GAP43: variants seen among roughly 807,000 people sequenced by gnomAD.
GAP43 encodes the protein neuromodulin.
GAP43 carries 6 observed loss-of-function variants against 18.6 expected under a neutral mutation model. That is an observed-to-expected ratio of 0.32 (90% confidence interval 0.18 to 0.64). The LOEUF (loss-of-function observed/expected upper bound fraction) is 0.64, where lower values mean the gene tolerates loss of function less well. GAP43 is among the 30% of genes least tolerant of loss of function. The pLI is 0.78. For missense variants in GAP43, 292 were observed against 295.5 expected, an observed-to-expected ratio of 0.99 and a Z score of 0.09; for synonymous variants, 115 against 111.4, an observed-to-expected ratio of 1.03 and a Z score of -0.20.
intron 1 of GAP43, chr3:115,663,449 G>C (rs9835043): frequency 1.1e-6 from 1 of 910,826 alleles, no homozygotes; most frequent in African/African-American, 1.8e-5. Flanking sequence ...TTCCTGACCT[G>C]ATGCCCTCTC....
intron 2 of GAP43, among the ~76,000 whole-genome samples, chr3:115,677,878 A>G (rs1159036808): frequency 6.6e-6 from 1 of 152,206 alleles, no homozygotes; most frequent in Non-Finnish European, 1.5e-5. Flanking sequence ...CAGATACTAC[A>G]ATATGGTAGG....
chr3:115,657,826 G>A (rs1708602839), intron 1 of GAP43, among the ~76,000 whole-genome samples: 4 of 152,038 alleles, frequency 2.6e-5, no homozygotes, highest in Admixed American at 2.6e-4. Context: ...CCAAAGTTCT[G>A]GGATTACAGA....
chr3:115,663,384 A>G (rs937199593), intron 1 of GAP43: 5 of 269,226 alleles, frequency 1.9e-5, no homozygotes, highest in Non-Finnish European at 2.3e-5. Context: ...ATAAGAATGC[A>G]TAAGGTTGAC....
intron 2 of GAP43, among the ~76,000 whole-genome samples, chr3:115,711,506 C>T (rs977381688): frequency 1.8e-4 from 27 of 151,110 alleles, no homozygotes; most frequent in Non-Finnish European, 3.9e-4. Flanking sequence ...CACACACACA[C>T]ACACACCCCC....
intron 1 of GAP43, among the ~76,000 whole-genome samples, chr3:115,631,099 T>A (rs1708255943): frequency 6.6e-6 from 1 of 152,194 alleles, no homozygotes. Flanking sequence ...TTCCCTCTCC[T>A]GTCTGCTTAG....
intron 1 of GAP43, among the ~76,000 whole-genome samples, chr3:115,655,816 G>A (rs1455562407): frequency 6.6e-6 from 1 of 152,158 alleles, no homozygotes; most frequent in Non-Finnish European, 1.5e-5. Context: ...TTTCTTTTAA[G>A]CTATGCTTCT....
Position 115,623,636 on chromosome 3 carries a change from AAG to A in GAP43, c.-46_-45del, listed in dbSNP as rs1708142590. ...AGAGGTGGAGAGGGGGGGAATAAGA[AAG>A]AGAGAGAAGGAAAGGAGAGAAGGCA... On this transcript the variant is annotated 5_prime_UTR_variant, in exon 1 of 3. Coordinates refer to ENST00000305124, the MANE Select transcript of GAP43 (RefSeq NM_002045.4). 1 of 1,609,184 alleles carries A rather than the reference AAG, an allele frequency of 6.2e-7. No individual in the cohort carries two copies. Among genetic ancestry groups the A allele is most frequent in the East Asian group, 2.2e-5 (1 of 44,768 alleles).
At chr3:115,690,081 T>C (rs1709088303) in intron 2 of GAP43, among the ~76,000 whole-genome samples, 1 of 152,252 alleles carries the variant, frequency 6.6e-6, no homozygotes, top group African/African-American at 2.4e-5. Context: ...AAGATGGTTT[T>C]ATGGGATCTT....
At chr3:115,705,538 G>A (rs999482713) in intron 2 of GAP43, among the ~76,000 whole-genome samples, 2 of 152,110 alleles carry the variant, frequency 1.3e-5, no homozygotes, top group South Asian at 4.1e-4. Context: ...TGGCAGGCAG[G>A]AATTACTACA....
intron 1 of GAP43, among the ~76,000 whole-genome samples, chr3:115,643,201 T>G (rs952162682): frequency 6.6e-6 from 1 of 152,106 alleles, no homozygotes; most frequent in Non-Finnish European, 1.5e-5. Flanking sequence ...ACTCAGTCAC[T>G]TTTTATCTTC....
At chr3:115,664,953 T>C (rs1182434199) in intron 1 of GAP43, among the ~76,000 whole-genome samples, 3 of 152,214 alleles carry the variant, frequency 2.0e-5, no homozygotes, top group African/African-American at 4.8e-5. Context: ...ACATACCTTC[T>C]AGAATCAGGG....
chr3:115,662,103 G>A (rs1000076106), intron 1 of GAP43, among the ~76,000 whole-genome samples: 1 of 152,056 alleles, frequency 6.6e-6, no homozygotes, highest in Admixed American at 6.5e-5. Context: ...AAGGAAGAGA[G>A]CTTCTTAGAT....
chr3:115,640,552 A>G (rs1003052174), intron 1 of GAP43, among the ~76,000 whole-genome samples: 8 of 152,034 alleles, frequency 5.3e-5, no homozygotes, highest in African/African-American at 1.9e-4. Flanking sequence ...AACCATTTCT[A>G]CCTCAAAGCT....
intron 1 of GAP43, among the ~76,000 whole-genome samples, chr3:115,672,733 C>T (rs565539508): frequency 4.3e-5 from 1 of 23,470 alleles, no homozygotes; most frequent in South Asian, 1.2e-3. Flanking sequence ...TTCCCACATC[C>T]CTCTCCTCTC....
chr3:115,663,047 C>T (rs1218726933), intron 1 of GAP43, among the ~76,000 whole-genome samples: 1 of 152,088 alleles, frequency 6.6e-6, no homozygotes, highest in African/African-American at 2.4e-5. Context: ...CCTGCAGAAC[C>T]ACAAAGTGGG....
intron 2 of GAP43, among the ~76,000 whole-genome samples, chr3:115,696,962 A>G (rs1010383201): frequency 1.1e-4 from 17 of 151,810 alleles, no homozygotes; most frequent in African/African-American, 3.9e-4. Flanking sequence ...CCTCCTGAGT[A>G]GCAGGCACTA....
intron 1 of GAP43, among the ~76,000 whole-genome samples, chr3:115,628,899 A>C (rs140577631): frequency 2.3e-3 from 343 of 152,292 alleles, no homozygotes; most frequent in Non-Finnish European, 3.8e-3. Context: ...CTTCTGATCC[A>C]TAGTTATCTT....
intron 2 of GAP43, among the ~76,000 whole-genome samples, chr3:115,708,822 G>A (rs1054479296): frequency 1.4e-4 from 22 of 152,086 alleles, no homozygotes; most frequent in South Asian, 6.2e-4. Context: ...TCTGAGAGGG[G>A]CACCAACAGC....
At chr3:115,653,726 C>T (rs1708548703) in intron 1 of GAP43, among the ~76,000 whole-genome samples, 1 of 152,188 alleles carries the variant, frequency 6.6e-6, no homozygotes, top group Non-Finnish European at 1.5e-5. Flanking sequence ...GTTTTCTAAT[C>T]TTGCCTCTGG....
Sources: allele counts gnomAD v4.1 joint callset (sites outside exome capture counted in the v4.1 genomes callset), GRCh38; gene constraint gnomAD v4.1.1; transcripts MANE v1.5; gene names NCBI Gene and HGNC (gene_info 2026-07-23, HGNC 2026-07-21).